The following CCSER1 variants were observed in gnomAD, a reference collection of about 807,000 sequenced individuals.
The protein encoded by CCSER1 is coiled-coil serine rich protein 1, also known as serine-rich coiled-coil domain-containing protein 1.
CCSER1 carries 41 observed loss-of-function variants against 82.0 expected under a neutral mutation model. That is an observed-to-expected ratio of 0.50 (90% confidence interval 0.39 to 0.65). The LOEUF is 0.65. Among genes scored for constraint, CCSER1 ranks in the 30% least tolerant of loss-of-function variants. CCSER1 has a pLI of 0.00. For missense variants in CCSER1, 1,119 were observed against 1,064.2 expected (o/e 1.05, Z -0.72); for synonymous variants, 414 against 383.9 (o/e 1.08, Z -0.92).
intron 10 of CCSER1, among the ~76,000 whole-genome samples, chr4:91,306,896 A>T (rs913011111): frequency 6.6e-6 from 1 of 152,096 alleles, no homozygotes; most frequent in Non-Finnish European, 1.5e-5. Context: ...ACTCTGAGGA[A>T]GGTGTCTGAC....
intron 10 of CCSER1, among the ~76,000 whole-genome samples, chr4:91,390,451 A>G (rs1220981166): frequency 1.3e-5 from 2 of 151,944 alleles, no homozygotes; most frequent in African/African-American, 4.8e-5. Flanking sequence ...TAATTATGTT[A>G]AAGAGTTTTG....
chr4:91,104,186 A>G (rs908169245), intron 10 of CCSER1, among the ~76,000 whole-genome samples: 1 of 152,158 alleles, frequency 6.6e-6, no homozygotes, highest in Non-Finnish European at 1.5e-5. Context: ...TCCAGACAAT[A>G]TATGCACCAC....
intron 4 of CCSER1, among the ~76,000 whole-genome samples, chr4:90,460,345 A>C (rs912025297): frequency 6.8e-6 from 1 of 146,338 alleles, no homozygotes; most frequent in Non-Finnish European, 1.5e-5. Flanking sequence ...AAAAAAAAAA[A>C]CTAAGGCAAG....
intron 9 of CCSER1, among the ~76,000 whole-genome samples, chr4:90,969,422 A>G (rs1180777225): frequency 2.0e-5 from 3 of 152,048 alleles, no homozygotes; most frequent in African/African-American, 7.2e-5. Context: ...GCCACTTGTT[A>G]TAAGCAAGGA....
chr4:90,339,617 G>T (rs1156891725), intron 3 of CCSER1, among the ~76,000 whole-genome samples: 1 of 151,930 alleles, frequency 6.6e-6, no homozygotes, highest in Non-Finnish European at 1.5e-5. Context: ...CTTTGCACTT[G>T]TAATTCTTGC....
chr4:90,457,963 G>T (rs1173244873), intron 4 of CCSER1, among the ~76,000 whole-genome samples: 1 of 152,172 alleles, frequency 6.6e-6, no homozygotes, highest in African/African-American at 2.4e-5. Flanking sequence ...GCTCGAGACA[G>T]CAGGGTTCTG....
At position 91,053,649 on chromosome 4, in the gene CCSER1, C is replaced by A. The variant is rs1302514174; in HGVS notation, c.2173-32301C>A. Among the ~76,000 whole-genome samples, 4 of 152,128 alleles carry A rather than the reference C, an allele frequency of 2.6e-5. No individual in the cohort carries two copies. In the East Asian group the frequency reaches 7.7e-4, roughly 29 times the overall value. On this transcript the variant is annotated intron_variant, in intron 9 of 10. Coordinates refer to ENST00000509176, the MANE Select transcript of CCSER1 (RefSeq NM_001145065.2). The stretch of plus-strand genomic sequence containing the variant: ...ACATCTTACAAAATTCAAAAAGCAC[C>A]CAGTTTCCATCCCCAGATGCAATCA...
intron 10 of CCSER1, among the ~76,000 whole-genome samples, chr4:91,364,375 T>G (rs1461594533): frequency 2.0e-5 from 3 of 152,134 alleles, no homozygotes; most frequent in East Asian, 3.9e-4. Context: ...CATAAAAATA[T>G]TGGTGTGGTA....
At chr4:91,029,338 G>A (rs750225708) in intron 9 of CCSER1, among the ~76,000 whole-genome samples, 8 of 151,502 alleles carry the variant, frequency 5.3e-5, no homozygotes, top group African/African-American at 1.9e-4. Flanking sequence ...TTATATACTC[G>A]AGGCAAAACT....
intron 4 of CCSER1, among the ~76,000 whole-genome samples, chr4:90,412,307 G>T (rs1407666708): frequency 8.5e-6 from 1 of 117,102 alleles, no homozygotes; most frequent in Non-Finnish European, 1.7e-5. Context: ...ACACACTGAG[G>T]ACTGTTGTGG....
intron 10 of CCSER1, among the ~76,000 whole-genome samples, chr4:91,149,467 A>G (rs1297153020): frequency 6.6e-6 from 1 of 152,154 alleles, no homozygotes; most frequent in Non-Finnish European, 1.5e-5. Context: ...TGCTGTGCAG[A>G]AGCTCTTTAG....
intron 10 of CCSER1, among the ~76,000 whole-genome samples, chr4:91,160,355 T>C (rs1288110600): frequency 6.6e-6 from 1 of 152,198 alleles, no homozygotes; most frequent in African/African-American, 2.4e-5. Context: ...ACAGTAAACA[T>C]ACTTGTACAT....
chr4:91,356,219 T>C (rs1362872772), intron 10 of CCSER1, among the ~76,000 whole-genome samples: 1 of 152,252 alleles, frequency 6.6e-6, no homozygotes, highest in Non-Finnish European at 1.5e-5. Flanking sequence ...AAACTCCAAC[T>C]GCCATTTTTT....
chr4:90,218,653 C>T (rs1741555364), intron 1 of CCSER1, among the ~76,000 whole-genome samples: 1 of 152,070 alleles, frequency 6.6e-6, no homozygotes, highest in African/African-American at 2.4e-5. Context: ...GTTTACTCTT[C>T]ATGGGCTGGA....
intron 5 of CCSER1, among the ~76,000 whole-genome samples, chr4:90,549,550 A>G (rs1413583884): frequency 4.6e-5 from 7 of 152,140 alleles, no homozygotes; most frequent in African/African-American, 1.7e-4. Flanking sequence ...AGATGAAGGG[A>G]AGGTTTAGGG....
At chr4:90,297,648 A>G (rs1015499831) in intron 1 of CCSER1, among the ~76,000 whole-genome samples, 8 of 151,094 alleles carry the variant, frequency 5.3e-5, no homozygotes, top group African/African-American at 2.0e-4. Context: ...GATAGCTCTT[A>G]TTATTTTGAG....
intron 7 of CCSER1, among the ~76,000 whole-genome samples, chr4:90,767,945 G>A (rs1751497697): frequency 6.6e-6 from 1 of 152,168 alleles, no homozygotes; most frequent in Non-Finnish European, 1.5e-5. Context: ...GGGCCACCAT[G>A]CCTGACCAAA....
chr4:91,202,881 G>A (rs577737788), intron 10 of CCSER1, among the ~76,000 whole-genome samples: 1 of 37,610 alleles, frequency 2.7e-5, no homozygotes, highest in East Asian at 3.2e-3. Context: ...ATCCAACATT[G>A]TTTTTCAGGA....
intron 10 of CCSER1, among the ~76,000 whole-genome samples, chr4:91,097,620 G>C (rs1000207142): frequency 1.1e-4 from 17 of 152,100 alleles, no homozygotes; most frequent in African/African-American, 4.1e-4. Context: ...ATTTCTAGAA[G>C]TATTTAGAAA....
Sources: gnomAD v4.1 joint callset for allele counts (sites outside exome capture counted in the v4.1 genomes callset) on GRCh38, gnomAD v4.1.1 for gene constraint, MANE v1.5 for transcripts, NCBI Gene and HGNC (gene_info 2026-07-23, HGNC 2026-07-21) for gene names.